USO1: variants seen among roughly 807,000 people sequenced by gnomAD.
USO1 encodes general vesicular transport factor p115.
USO1 carries 57 observed loss-of-function variants against 124.5 expected under a neutral mutation model. That is an observed-to-expected ratio of 0.46 (90% CI 0.37 to 0.57). The LOEUF (loss-of-function observed/expected upper bound fraction) is 0.57. Ranked by LOEUF, USO1 falls within the 20% of genes least tolerant of loss-of-function variation. USO1 has a pLI of 0.00. For missense variants in USO1, 900 were observed against 1,040.6 expected (o/e 0.86, Z 1.86); for synonymous variants, 369 against 362.8 (o/e 1.02, Z -0.19).
chr4:75,750,682 A>G (rs987471975), intron 1 of USO1, among the ~76,000 whole-genome samples: 1 of 151,736 alleles, frequency 6.6e-6, no homozygotes, highest in African/African-American at 2.4e-5. Flanking sequence ...ACAGGGTTTC[A>G]CCATGTTGGC....
chr4:75,771,032 T>C, intron 6 of USO1, 50 bp from the exon 7 acceptor site: 1 of 1,598,740 alleles, frequency 6.3e-7, no homozygotes, highest in Non-Finnish European at 8.5e-7. Context: ...TTTGAGTCAC[T>C]ATTTGTATTT....
chr4:75,781,668 T>C (rs1722224213), intron 8 of USO1, among the ~76,000 whole-genome samples: 1 of 152,210 alleles, frequency 6.6e-6, no homozygotes, highest in African/African-American at 2.4e-5. Context: ...TGCAGAAGTC[T>C]AGAACCAATA....
At chr4:75,791,962 T>C (rs1221076450) in intron 12 of USO1, among the ~76,000 whole-genome samples, 2 of 152,138 alleles carry the variant, frequency 1.3e-5, no homozygotes, top group Non-Finnish European at 2.9e-5. Flanking sequence ...CATCATCAGT[T>C]TAATGCCGAA....
chr4:75,750,261 C>G (rs1577935917), intron 1 of USO1, among the ~76,000 whole-genome samples: 1 of 151,956 alleles, frequency 6.6e-6, no homozygotes, highest in Non-Finnish European at 1.5e-5. Flanking sequence ...TAGTTAGACC[C>G]TGTCTCTAAA....
chr4:75,802,075 G>A (rs965236440), intron 17 of USO1, among the ~76,000 whole-genome samples: 5 of 152,156 alleles, frequency 3.3e-5, no homozygotes, highest in African/African-American at 1.2e-4. Context: ...CCCTGCCTCA[G>A]CCTTCCGAAA....
At chr4:75,763,739 G>A (rs1721689245) in intron 4 of USO1, among the ~76,000 whole-genome samples, 1 of 151,776 alleles carries the variant, frequency 6.6e-6, no homozygotes, top group Non-Finnish European at 1.5e-5. Context: ...ATAAACTATA[G>A]GCTATAAAAA....
chr4:75,791,352 C>T (rs1361542431), intron 12 of USO1, among the ~76,000 whole-genome samples: 5 of 152,078 alleles, frequency 3.3e-5, no homozygotes, highest in Non-Finnish European at 5.9e-5. Context: ...GGTGAAACCC[C>T]GTCTCTACTA....
chr4:75,783,019 A>C (rs1257881268), intron 9 of USO1, among the ~76,000 whole-genome samples, 161 bp downstream of exon 9: 1 of 152,164 alleles, frequency 6.6e-6, no homozygotes, highest in East Asian at 1.9e-4. Flanking sequence ...CTAGCTAGAG[A>C]TCTTGCCTAC....
chr4:75,791,262 G>A (rs147380388), intron 12 of USO1, among the ~76,000 whole-genome samples: 196 of 152,318 alleles, frequency 1.3e-3, no homozygotes, highest in African/African-American at 1.9e-3. Context: ...GGTGGCTCAC[G>A]CCCGTAATCC....
intron 12 of USO1, among the ~76,000 whole-genome samples, chr4:75,793,040 G>T (rs984670778): frequency 1.1e-4 from 17 of 151,956 alleles, no homozygotes; most frequent in Non-Finnish European, 2.2e-4. Context: ...TTAATATAAT[G>T]ATCTCCAGGT....
chr4:75,784,926 G>C (rs1722317679), intron 9 of USO1, among the ~76,000 whole-genome samples: 1 of 152,106 alleles, frequency 6.6e-6, no homozygotes. Context: ...ACTTTCTGTA[G>C]CTTAGTAAAG....
intron 19 of USO1, among the ~76,000 whole-genome samples, chr4:75,806,245 G>C (rs935735277): frequency 1.3e-5 from 2 of 152,220 alleles, no homozygotes; most frequent in Non-Finnish European, 2.9e-5. Context: ...ACTGGCCTTG[G>C]CCTCCCAAGG....
intron 10 of USO1, among the ~76,000 whole-genome samples, chr4:75,788,404 A>G (rs1179735782): frequency 1.3e-5 from 2 of 151,300 alleles, no homozygotes. Context: ...CTGACCTCAA[A>G]TGATCCACCC....
chr4:75,802,114 G>T (rs766982582), intron 17 of USO1, among the ~76,000 whole-genome samples: 3 of 152,142 alleles, frequency 2.0e-5, no homozygotes, highest in Admixed American at 2.0e-4. Context: ...AAGCCAGCGC[G>T]CCCAGCCTAC....
In USO1 at chr4:75,777,011, TC is replaced by T. The variant is rs3839117; in HGVS notation, c.676+2216del. 2.6e-5 allele frequency among the ~76,000 whole-genome samples: 4 copies of T among 152,314 alleles called. No individual in the cohort carries two copies. In the East Asian group the frequency reaches 7.7e-4, roughly 29 times the overall value. ...TTTTTCATCATCTTCCTTGCATACATCACGCCTATAATATATCATGTAGGAT... is the reference window on the plus strand; with the variant it reads ...TTTTTCATCATCTTCCTTGCATACATACGCCTATAATATATCATGTAGGAT... On this transcript the variant is annotated intron_variant, in intron 8 of 23. Transcript: ENST00000514213.
At chr4:75,762,689 G>T (rs1271824564) in intron 4 of USO1, among the ~76,000 whole-genome samples, 1 of 152,120 alleles carries the variant, frequency 6.6e-6, no homozygotes, top group Non-Finnish European at 1.5e-5. Context: ...AGCACTTTGG[G>T]AGGCTGAGGC....
At chr4:75,769,738 A>G (rs1577949535) in intron 4 of USO1, among the ~76,000 whole-genome samples, 1 of 118,938 alleles carries the variant, frequency 8.4e-6, no homozygotes, top group Non-Finnish European at 1.8e-5. Context: ...ATTTTTAGTG[A>G]TCTTTTTTTT....
chr4:75,728,737 A>T (rs559620039), intron 1 of USO1, among the ~76,000 whole-genome samples: 22 of 152,352 alleles, frequency 1.4e-4, no homozygotes, highest in African/African-American at 5.0e-4. Flanking sequence ...GATATTTTAA[A>T]TTCAGAATTT....
intron 1 of USO1, among the ~76,000 whole-genome samples, chr4:75,727,087 C>G (rs1307388559): frequency 1.3e-5 from 2 of 152,114 alleles, no homozygotes; most frequent in African/African-American, 4.8e-5. Context: ...ATACCCTTTC[C>G]TGTTTTTGTT....
Sources: allele counts gnomAD v4.1 joint callset (sites outside exome capture counted in the v4.1 genomes callset), GRCh38; gene constraint gnomAD v4.1.1; transcripts MANE v1.5; gene names NCBI Gene and HGNC (gene_info 2026-07-23, HGNC 2026-07-21).